MAPK10: variants seen among roughly 807,000 people sequenced by gnomAD.
MAPK10 encodes the protein JNK3 alpha protein kinase.
Under a neutral mutation model 59.3 loss-of-function variants are expected in MAPK10, and 25 were observed. The observed-to-expected ratio is 0.42, with a 90% confidence interval of 0.31 to 0.59. The LOEUF (loss-of-function observed/expected upper bound fraction) is 0.59. Ranked by LOEUF, MAPK10 falls within the 20% of genes least tolerant of loss-of-function variation. The pLI is 0.15. For synonymous variants in MAPK10, 190 were observed against 200.5 expected (o/e 0.95, Z 0.44); for missense variants, 351 against 568.9 (o/e 0.62, Z 3.90).
chr4:86,419,889 G>A (rs762174357), intron 1 of MAPK10, among the ~76,000 whole-genome samples: 12 of 152,224 alleles, frequency 7.9e-5, no homozygotes, highest in South Asian at 4.2e-4. Flanking sequence ...AAGTAAGAAC[G>A]CAAGGAAGAA....
At chr4:86,246,179 C>T (rs2093073127) in intron 2 of MAPK10, among the ~76,000 whole-genome samples, 1 of 152,154 alleles carries the variant, frequency 6.6e-6, no homozygotes, top group African/African-American at 2.4e-5. Flanking sequence ...CGCCTGTAAT[C>T]CCAGCACTTT....
Position 86,252,326 on chromosome 4 carries a change from A to T in MAPK10, c.-6-57919T>A, listed in dbSNP as rs2093484804. On this transcript the variant is annotated intron_variant, in intron 2 of 13. Transcript: ENST00000641462. Reference sequence around the variant, plus strand: ...TTTAGGTCTAACGTTTAAATCTTTAATCCATCTTGAATTGATTTTTGTATA... The same window carrying T: ...TTTAGGTCTAACGTTTAAATCTTTATTCCATCTTGAATTGATTTTTGTATA... Among the ~76,000 whole-genome samples the T allele has an allele frequency of 2.6e-5, 3 of 114,862 alleles. No homozygotes were observed. The South Asian group carries it at 7.9e-4, about 30-fold the overall frequency. 75.4% of individuals were successfully genotyped at this position (114,862 alleles called of 152,430 possible).
At chr4:86,415,072 G>A (rs1440136584) in intron 1 of MAPK10, among the ~76,000 whole-genome samples, 2 of 149,832 alleles carry the variant, frequency 1.3e-5, no homozygotes, top group Non-Finnish European at 3.0e-5. Context: ...CCTGGAGGTC[G>A]AGGCTGCAGT....
At chr4:86,153,537 T>C (rs1195874453) in intron 4 of MAPK10, among the ~76,000 whole-genome samples, 1 of 152,206 alleles carries the variant, frequency 6.6e-6, no homozygotes, top group Non-Finnish European at 1.5e-5. Flanking sequence ...AATTAAATAT[T>C]TATACATAAG....
intron 1 of MAPK10, among the ~76,000 whole-genome samples, chr4:86,383,089 T>C (rs913969403): frequency 1.3e-5 from 2 of 152,100 alleles, no homozygotes; most frequent in Middle Eastern, 3.2e-3. Context: ...AAGTAAATGT[T>C]AAATAAAATA....
intron 1 of MAPK10, chr4:86,356,500 A>G: frequency 7.6e-6 from 7 of 920,838 alleles, no homozygotes; most frequent in Non-Finnish European, 9.1e-6. Context: ...AAGATTCACA[A>G]TAAGAAATAC....
intron 1 of MAPK10, among the ~76,000 whole-genome samples, chr4:86,468,068 T>C (rs1035038438): frequency 6.6e-6 from 1 of 152,224 alleles, no homozygotes. Context: ...CTTTAGCTTC[T>C]CTCCTTTTCC....
intron 1 of MAPK10, among the ~76,000 whole-genome samples, chr4:86,379,421 T>C (rs964135617): frequency 1.5e-4 from 23 of 152,212 alleles, no homozygotes; most frequent in South Asian, 2.1e-4. Flanking sequence ...CTGTTGGGAA[T>C]AGGCCCCCAA....
intron 1 of MAPK10, among the ~76,000 whole-genome samples, chr4:86,516,116 C>G (rs1012574052): frequency 6.6e-6 from 1 of 152,068 alleles, no homozygotes; most frequent in African/African-American, 2.4e-5. Flanking sequence ...CCAATTATCC[C>G]AGCACTGTTT....
chr4:86,305,043 A>C (rs1435358774), intron 2 of MAPK10, among the ~76,000 whole-genome samples: 1 of 152,222 alleles, frequency 6.6e-6, no homozygotes, highest in Non-Finnish European at 1.5e-5. Context: ...AAATTAAAAT[A>C]CTAGTAATAC....
intron 1 of MAPK10, among the ~76,000 whole-genome samples, chr4:86,580,458 C>A: frequency 6.6e-6 from 1 of 151,758 alleles, no homozygotes; most frequent in African/African-American, 2.4e-5. Context: ...GAGATCAGGC[C>A]ACTGCATTCC....
intron 2 of MAPK10, among the ~76,000 whole-genome samples, chr4:86,257,733 C>G (rs559730392): frequency 1.3e-5 from 2 of 152,188 alleles, no homozygotes; most frequent in Non-Finnish European, 2.9e-5. Flanking sequence ...CTCTTAAACT[C>G]CAAGTTCAAA....
intron 2 of MAPK10, among the ~76,000 whole-genome samples, chr4:86,215,601 C>T (rs374941521): frequency 6.6e-6 from 1 of 152,132 alleles, no homozygotes; most frequent in Non-Finnish European, 1.5e-5. Context: ...GTGGCTCATG[C>T]CTGTAATCCC....
intron 1 of MAPK10, among the ~76,000 whole-genome samples, chr4:86,479,624 C>G (rs1477531276): frequency 6.6e-6 from 1 of 152,124 alleles, no homozygotes; most frequent in African/African-American, 2.4e-5. Context: ...TCTCCTGGTG[C>G]TATCCCCAAA....
chr4:86,262,977 T>C (rs755007860), intron 2 of MAPK10, among the ~76,000 whole-genome samples: 2 of 152,204 alleles, frequency 1.3e-5, no homozygotes, highest in Non-Finnish European at 2.9e-5. Flanking sequence ...AGTTATTGGA[T>C]GGACAGTAGG....
At chr4:86,185,984 T>C (rs2078134665) in intron 3 of MAPK10, among the ~76,000 whole-genome samples, 1 of 152,016 alleles carries the variant, frequency 6.6e-6, no homozygotes, top group South Asian at 2.1e-4. Context: ...GGGTTGGAGA[T>C]AAAACTGTGT....
At chr4:86,232,260 T>G (rs2091657319) in intron 2 of MAPK10, among the ~76,000 whole-genome samples, 1 of 152,228 alleles carries the variant, frequency 6.6e-6, no homozygotes, top group South Asian at 2.1e-4. Context: ...AATGACCTGT[T>G]AAGTTTGTTT....
At chr4:86,033,443 A>G (rs2039531731) in intron 11 of MAPK10, among the ~76,000 whole-genome samples, 1 of 152,252 alleles carries the variant, frequency 6.6e-6, no homozygotes, top group Admixed American at 6.5e-5. Context: ...TGGCTTCTCC[A>G]TGCAGTGGAT....
At chr4:86,556,928 C>A (rs992822857) in intron 1 of MAPK10, among the ~76,000 whole-genome samples, 2 of 151,972 alleles carry the variant, frequency 1.3e-5, no homozygotes, top group African/African-American at 4.8e-5. Flanking sequence ...GTAACTTCCC[C>A]AAGTTTTATT....
Sources: allele counts gnomAD v4.1 joint callset (sites outside exome capture counted in the v4.1 genomes callset), GRCh38; gene constraint gnomAD v4.1.1; transcripts MANE v1.5; gene names NCBI Gene and HGNC (gene_info 2026-07-23, HGNC 2026-07-21).